CRADD: variants seen among roughly 807,000 people sequenced by gnomAD.
The protein encoded by CRADD is CARD and death domain containing adaptor protein.
A neutral mutation model predicts 15.5 loss-of-function variants in CRADD; 9 were observed. The ratio of observed to expected loss-of-function variants is 0.58; its 90% CI spans 0.35 to 1.01. The LOEUF is 1.01. Ranked by LOEUF, CRADD falls within the 50% of genes least tolerant of loss-of-function variation. The pLI is 0.02. For synonymous variants in CRADD, 118 were observed against 107.6 expected, an observed-to-expected ratio of 1.10 and a Z score of -0.60; for missense variants, 227 against 250.3, an observed-to-expected ratio of 0.91 and a Z score of 0.63.
intron 2 of CRADD, among the ~76,000 whole-genome samples, chr12:93,774,941 A>G (rs1342171222): frequency 6.6e-6 from 1 of 152,216 alleles, no homozygotes; most frequent in Non-Finnish European, 1.5e-5. Context: ...GGAAAGCTTT[A>G]TGGAGGCAGG....
At chr12:93,754,572 CT>C (rs1185350372) in intron 2 of CRADD, among the ~76,000 whole-genome samples, 2 of 152,198 alleles carry the variant, frequency 1.3e-5, no homozygotes, top group Non-Finnish European at 2.9e-5. Flanking sequence ...TTCCATAGAT[CT>C]TTAGGGCAGG....
chr12:93,717,904 G>T (rs1007209773), intron 2 of CRADD, among the ~76,000 whole-genome samples: 2 of 152,162 alleles, frequency 1.3e-5, no homozygotes, highest in African/African-American at 4.8e-5. Context: ...TGGATGTTCA[G>T]TTGTTCCAGC....
rs1304361271 is a variant in CRADD at position 93,824,649 on chromosome 12, C to T, written c.299-25321C>T. Among the ~76,000 whole-genome samples, 4 of 152,158 alleles carry T rather than the reference C, an allele frequency of 2.6e-5. No homozygotes were observed. The highest frequency in any genetic ancestry group is 5.9e-5 in the Non-Finnish European group (4 of 68,030). ...ATGCATCATTCTATGATACATTATC[C>T]GAGCTGAAGCTGAAACCTAGCCTTC... On this transcript the variant is annotated intron_variant, in intron 2 of 2. Coordinates refer to ENST00000332896, the MANE Select transcript of CRADD (RefSeq NM_003805.5). The surrounding 1 kb of genome is among the most constrained non-coding windows in gnomAD (Gnocchi z 4.3).
chr12:93,707,535 T>C (rs1955974786), intron 2 of CRADD, among the ~76,000 whole-genome samples: 1 of 152,124 alleles, frequency 6.6e-6, no homozygotes. Context: ...TTAGGTTTCT[T>C]TCAGCATGGG....
downstream of CRADD, among the ~76,000 whole-genome samples, chr12:93,854,198 G>A (rs994036143): frequency 2.0e-5 from 3 of 150,868 alleles, no homozygotes; most frequent in Middle Eastern, 3.4e-3. Flanking sequence ...TTTCTGCTGG[G>A]CTCTCTCGTG....
chr12:93,867,849 T>C (rs999625175), intron 2 of CRADD, among the ~76,000 whole-genome samples: 15 of 152,102 alleles, frequency 9.9e-5, no homozygotes, highest in Middle Eastern at 3.2e-3. Flanking sequence ...AGAGACAAAA[T>C]TGATTTTCCT....
At position 93,855,835 on chromosome 12, in the gene CRADD, T is replaced by A. The variant is rs552963692; in HGVS notation, c.299-38215T>A. ...GAGTTTTTCTTTTTCTTTTTCTTTT[T>A]TGAGACGGAGTCTTGCTCTGTCGCC... On this transcript the variant is annotated intron_variant, in intron 2 of 2. Coordinates refer to the CRADD transcript ENST00000548483. Among the ~76,000 whole-genome samples, 33 of 152,214 alleles carry A rather than the reference T, an allele frequency of 2.2e-4. No individual in the cohort carries two copies. The South Asian group carries it at 6.8e-3, about 32-fold the overall frequency.
chr12:93,857,495 G>T (rs926946636), intron 2 of CRADD, among the ~76,000 whole-genome samples: 7 of 152,216 alleles, frequency 4.6e-5, no homozygotes, highest in African/African-American at 1.4e-4. Flanking sequence ...CCTGGTGTGT[G>T]CCCTGGCCAA....
chr12:93,774,702 G>T (rs1957123696), intron 2 of CRADD, among the ~76,000 whole-genome samples: 1 of 152,180 alleles, frequency 6.6e-6, no homozygotes, highest in Non-Finnish European at 1.5e-5. Flanking sequence ...TGTACTGAGA[G>T]TGAAAATTAA....
At chr12:93,833,591 C>G (rs567675335) in intron 2 of CRADD, among the ~76,000 whole-genome samples, 2 of 152,136 alleles carry the variant, frequency 1.3e-5, no homozygotes, top group Non-Finnish European at 2.9e-5. Context: ...AGCGACCCTC[C>G]CCCCTTGGCC....
rs372349521 is a variant in CRADD at position 93,754,853 on chromosome 12, G to A, written c.298+75781G>A. Among the ~76,000 whole-genome samples, 24 of 151,996 alleles carry A rather than the reference G, an allele frequency of 1.6e-4. 2 individuals are homozygous for A. Among genetic ancestry groups the A allele is most frequent in the Admixed American group, 1.4e-3 (21 of 15,266 alleles). On this transcript the variant is annotated intron_variant, in intron 2 of 2. Coordinates refer to ENST00000332896, the MANE Select transcript of CRADD (RefSeq NM_003805.5). The stretch of plus-strand genomic sequence containing the variant: ...CTGCCTGTTACCCAGTTCCAAAGTC[G>A]CTTCCACATTTTTGGGTATCTTTAT...
intron 2 of CRADD, among the ~76,000 whole-genome samples, chr12:93,885,828 C>T (rs1958532844): frequency 6.6e-6 from 1 of 152,096 alleles, no homozygotes; most frequent in Non-Finnish European, 1.5e-5. Context: ...CACTTGAGGT[C>T]AGGAGTTTGA....
At chr12:93,876,050 A>T (rs1450943929) in intron 2 of CRADD, among the ~76,000 whole-genome samples, 3 of 151,978 alleles carry the variant, frequency 2.0e-5, no homozygotes, top group African/African-American at 7.3e-5. Flanking sequence ...TTTCTCTTTC[A>T]TATTTGAAGG....
At chr12:93,781,065 C>T (rs1313746298) in intron 2 of CRADD, among the ~76,000 whole-genome samples, 1 of 151,600 alleles carries the variant, frequency 6.6e-6, no homozygotes, top group Admixed American at 6.6e-5. Flanking sequence ...CTCTTGGTTA[C>T]TTTTTTTTAA....
chr12:93,804,210 C>A (rs897803562), intron 2 of CRADD, among the ~76,000 whole-genome samples: 1 of 151,980 alleles, frequency 6.6e-6, no homozygotes, highest in Non-Finnish European at 1.5e-5. Context: ...GTTCTTAATG[C>A]CTGTCATCCT....
intron 2 of CRADD, among the ~76,000 whole-genome samples, chr12:93,735,218 T>G (rs1168920081): frequency 1.3e-5 from 2 of 152,178 alleles, no homozygotes; most frequent in African/African-American, 4.8e-5. Flanking sequence ...TATGGTTTGT[T>G]CCATCTCACT....
chr12:93,822,190 C>T (rs897157947), intron 2 of CRADD, among the ~76,000 whole-genome samples: 4 of 151,900 alleles, frequency 2.6e-5, no homozygotes, highest in Non-Finnish European at 5.9e-5. Context: ...CTTCTTTAGG[C>T]TTGATGCCCC....
chr12:93,800,147 T>C (rs911298629), intron 2 of CRADD, among the ~76,000 whole-genome samples: 3 of 152,164 alleles, frequency 2.0e-5, no homozygotes, highest in African/African-American at 4.8e-5. Context: ...TGAGAAGTTG[T>C]GTACAAGATG....
intron 2 of CRADD, among the ~76,000 whole-genome samples, chr12:93,733,118 T>C (rs1310836707): frequency 6.6e-6 from 1 of 152,188 alleles, no homozygotes; most frequent in Non-Finnish European, 1.5e-5. Context: ...TGGAGGAAAG[T>C]CAGTATTCAA....
Sources: gnomAD v4.1 joint callset for allele counts (sites outside exome capture counted in the v4.1 genomes callset) on GRCh38, gnomAD v4.1.1 for gene constraint, Gnocchi (gnomAD v3.1) non-coding constraint, MANE v1.5 for transcripts, NCBI Gene and HGNC (gene_info 2026-07-23, HGNC 2026-07-21) for gene names.